FGD4: variants seen among roughly 807,000 people sequenced by gnomAD.
FGD4 encodes the protein FYVE, RhoGEF and PH domain-containing protein 4.
FGD4 carries 42 observed loss-of-function variants against 102.0 expected under a neutral mutation model. The ratio of observed to expected loss-of-function variants is 0.41; its 90% confidence interval spans 0.32 to 0.53. The LOEUF (loss-of-function observed/expected upper bound fraction) is 0.53. Ranked by LOEUF, FGD4 falls within the 20% of genes least tolerant of loss-of-function variation. The pLI is 0.21. For synonymous variants in FGD4, 380 were observed against 375.7 expected, an observed-to-expected ratio of 1.01 and a Z score of -0.13; for missense variants, 902 against 1,078.2, an observed-to-expected ratio of 0.84 and a Z score of 2.29.
chr12:32,582,375 A>G lies in FGD4; in HGVS notation c.919A>G (p.Arg307Gly), dbSNP rs775337286. ...AGGCCCAGTGCTCCCCCTAGAAGAA[A>G]GAGGGGCAGAAACAGAAACCAAGGT... ...GIGPVLPLEE[R>G]GAETETKVQE... Residue 307 changes from arginine to glycine, a missense_variant, in exon 4 of 17, where the codon AGA becomes GGA. By Grantham distance (125) the Arg-to-Gly change is moderately radical. This residue lies in a region of FGD4 where 443 missense variants were observed against 459.2 expected (regional missense o/e 0.96). Coordinates refer to ENST00000534526, the MANE Select transcript of FGD4 (RefSeq NM_001370298.3). 78 of 1,614,010 alleles carry G rather than the reference A, an allele frequency of 4.8e-5. 1 individual carries two copies. In the South Asian group the frequency reaches 8.5e-4, roughly 17 times the overall value.
chr12:32,553,071 A>G (rs1034908696), intron 1 of FGD4, among the ~76,000 whole-genome samples: 2 of 151,614 alleles, frequency 1.3e-5, no homozygotes, highest in African/African-American at 2.4e-5. Flanking sequence ...TGGGATTACA[A>G]GCATGAGCCA....
chr12:32,483,625 T>G (rs1943819449), intron 1 of FGD4, among the ~76,000 whole-genome samples: 2 of 152,222 alleles, frequency 1.3e-5, no homozygotes, highest in Admixed American at 6.5e-5. Flanking sequence ...TTTTAGCCCA[T>G]AACTCATTGG....
intron 4 of FGD4, among the ~76,000 whole-genome samples, chr12:32,592,246 C>A (rs1053302573): frequency 2.6e-5 from 4 of 151,646 alleles, no homozygotes; most frequent in Non-Finnish European, 5.9e-5. Context: ...CCATTCCCAG[C>A]TAATTTTTGT....
chr12:32,437,524 G>A (rs1185896844), intron 1 of FGD4, among the ~76,000 whole-genome samples: 2 of 152,220 alleles, frequency 1.3e-5, no homozygotes, highest in African/African-American at 2.4e-5. Context: ...AGCTCATGTA[G>A]CAACTACCAG....
intron 1 of FGD4, among the ~76,000 whole-genome samples, chr12:32,546,020 T>C (rs1246116026): frequency 6.6e-6 from 1 of 152,246 alleles, no homozygotes; most frequent in Non-Finnish European, 1.5e-5. Context: ...AAAATCTGTT[T>C]TATGATACAC....
At chr12:32,495,900 G>T (rs1483455527) in intron 1 of FGD4, among the ~76,000 whole-genome samples, 1 of 152,060 alleles carries the variant, frequency 6.6e-6, no homozygotes, top group Non-Finnish European at 1.5e-5. Flanking sequence ...ACCTTCAAAT[G>T]TCATAATTAG....
chr12:32,582,122 A>G lies in FGD4; in HGVS notation c.666A>G (p.Ala222=). The G allele has an allele frequency of 6.2e-7, 1 of 1,614,226 alleles. No individual in the cohort carries two copies. The highest frequency in any genetic ancestry group is 8.5e-7 in the Non-Finnish European group (1 of 1,180,044). The change falls in exon 4 of 17, where the codon GCA becomes GCG. Residue 222 remains alanine (A), a synonymous_variant. Coordinates refer to ENST00000534526, the MANE Select transcript of FGD4 (RefSeq NM_001370298.3). ...ATGATACAGATAAGACTCAGGGTGC[A>G]CAGACTTGTGTGGCCAACGGTGTAA... ...QGNDTDKTQG[A]QTCVANGVMA...
intron 1 of FGD4, among the ~76,000 whole-genome samples, chr12:32,495,788 A>C (rs1216903385): frequency 6.6e-6 from 1 of 151,590 alleles, no homozygotes; most frequent in Non-Finnish European, 1.5e-5. Context: ...CCCGCCTTGC[A>C]TATCACTGCT....
intron 1 of FGD4, among the ~76,000 whole-genome samples, chr12:32,549,959 C>G (rs1222138209): frequency 6.6e-6 from 1 of 152,356 alleles, no homozygotes; most frequent in East Asian, 1.9e-4. Context: ...TCTCTTCCCC[C>G]TCGGCACGGC....
chr12:32,534,429 C>G, intron 1 of FGD4: 1 of 1,522,588 alleles, frequency 6.6e-7, no homozygotes, highest in South Asian at 1.2e-5. Context: ...AAGAGTAAAG[C>G]CAAATATCTT....
chr12:32,482,841 T>G (rs1007105995), intron 1 of FGD4, among the ~76,000 whole-genome samples: 5 of 152,238 alleles, frequency 3.3e-5, no homozygotes, highest in Non-Finnish European at 5.9e-5. Context: ...AATCACGTTT[T>G]GAAGTTAAAT....
intron 1 of FGD4, among the ~76,000 whole-genome samples, chr12:32,479,268 A>G (rs1943659228): frequency 6.6e-6 from 1 of 152,122 alleles, no homozygotes; most frequent in Admixed American, 6.5e-5. Context: ...TCACAACTAT[A>G]CTTAATCATA....
intron 1 of FGD4, among the ~76,000 whole-genome samples, chr12:32,527,462 C>G (rs758330494): frequency 6.6e-6 from 1 of 151,948 alleles, no homozygotes; most frequent in Non-Finnish European, 1.5e-5. Context: ...CAGAGTCTCA[C>G]TTTGTTGTCC....
chr12:32,496,315 C>T (rs1387450649), intron 1 of FGD4, among the ~76,000 whole-genome samples: 2 of 152,038 alleles, frequency 1.3e-5, no homozygotes, highest in Admixed American at 6.5e-5. Flanking sequence ...GATCTCAGAC[C>T]AAAAATACGA....
intron 1 of FGD4, among the ~76,000 whole-genome samples, chr12:32,403,728 C>T (rs1192150764): frequency 6.6e-6 from 1 of 151,898 alleles, no homozygotes; most frequent in African/African-American, 2.4e-5. Flanking sequence ...TCCCTAGTAG[C>T]TGGGACTACA....
At chr12:32,425,332 C>T (rs1166070756) in intron 1 of FGD4, among the ~76,000 whole-genome samples, 2 of 152,162 alleles carry the variant, frequency 1.3e-5, no homozygotes, top group African/African-American at 2.4e-5. Flanking sequence ...AATAGGGAAT[C>T]CTTTCCCCAT....
chr12:32,423,800 T>G (rs973947127), intron 1 of FGD4, among the ~76,000 whole-genome samples: 1 of 151,500 alleles, frequency 6.6e-6, no homozygotes, highest in South Asian at 2.1e-4. Context: ...TTAGACAATA[T>G]AGAGTAATTT....
At chr12:32,619,925 C>G in intron 11 of FGD4, 55 bp downstream of exon 11, 1 of 1,591,836 alleles carries the variant, frequency 6.3e-7, no homozygotes, top group South Asian at 1.1e-5. Context: ...CAGAATGAAT[C>G]ATTAAAATAG....
chr12:32,538,516 C>T (rs1433750953), intron 1 of FGD4, among the ~76,000 whole-genome samples: 1 of 152,052 alleles, frequency 6.6e-6, no homozygotes, highest in African/African-American at 2.4e-5. Flanking sequence ...ATAATGAGTT[C>T]CTGCTATTGG....
Sources: allele counts gnomAD v4.1 joint callset (sites outside exome capture counted in the v4.1 genomes callset), GRCh38; gene constraint gnomAD v4.1.1; regional missense constraint gnomAD v4.1.1; transcripts MANE v1.5; gene names NCBI Gene and HGNC (gene_info 2026-07-23, HGNC 2026-07-21).